The following ERC2 variants were observed in gnomAD, a reference collection of about 807,000 sequenced individuals.
ERC2 encodes the protein ELKS/RAB6-interacting/CAST family member 2.
Under a neutral mutation model 114.8 loss-of-function variants are expected in ERC2, and 42 were observed. The observed-to-expected ratio is 0.37, with a 90% CI of 0.29 to 0.47. The LOEUF (loss-of-function observed/expected upper bound fraction) is 0.47, where lower values mean the gene tolerates loss of function less well. Among genes scored for constraint, ERC2 ranks in the 20% least tolerant of loss-of-function variants. The pLI is 0.99. For synonymous variants in ERC2, 454 were observed against 425.5 expected, an observed-to-expected ratio of 1.07 and a Z score of -0.82; for missense variants, 939 against 1,150.7, an observed-to-expected ratio of 0.82 and a Z score of 2.66.
intron 17 of ERC2, among the ~76,000 whole-genome samples, chr3:55,651,536 AACTGGGTCTT>A (rs2060622102): frequency 6.6e-6 from 1 of 152,140 alleles, no homozygotes; most frequent in Non-Finnish European, 1.5e-5. Flanking sequence ...GGGGATCTTG[AACTGGGTCTT>A]TCGCTTCTCT....
intron 3 of ERC2, among the ~76,000 whole-genome samples, chr3:56,208,508 T>C (rs2048871312): frequency 6.6e-6 from 1 of 152,230 alleles, no homozygotes; most frequent in African/African-American, 2.4e-5. Flanking sequence ...TTGCCCTATC[T>C]TATTAATTTA....
chr3:56,412,982 T>C (rs940900373), intron 2 of ERC2, among the ~76,000 whole-genome samples: 12 of 152,126 alleles, frequency 7.9e-5, no homozygotes, highest in African/African-American at 2.2e-4. Context: ...TATGTGGGGG[T>C]TGGACATCAA....
chr3:55,736,392 C>CTTTCTATGCTTT (rs1245001321), intron 14 of ERC2, among the ~76,000 whole-genome samples: 3 of 152,176 alleles, frequency 2.0e-5, no homozygotes, highest in Non-Finnish European at 4.4e-5. Context: ...CAGGCTTTGC[C>CTTTCTATGCTTT]TTTCTATGCT....
At chr3:55,560,714 G>A (rs1174294598) in intron 17 of ERC2, among the ~76,000 whole-genome samples, 2 of 152,200 alleles carry the variant, frequency 1.3e-5, no homozygotes, top group African/African-American at 4.8e-5. Context: ...TAAGAAAATG[G>A]TTGTTTAAGC....
At chr3:55,834,095 C>T (rs1241936105) in intron 14 of ERC2, among the ~76,000 whole-genome samples, 10 of 151,792 alleles carry the variant, frequency 6.6e-5, no homozygotes, top group Admixed American at 5.9e-4. Context: ...TACAGGAGCA[C>T]CCAGATTCAT....
intron 6 of ERC2, among the ~76,000 whole-genome samples, chr3:56,115,757 C>T (rs1407791320): frequency 2.0e-5 from 3 of 151,966 alleles, no homozygotes. Context: ...AGAGACTGCC[C>T]CTCCCAGAGC....
chr3:55,744,669 G>C (rs906334560), intron 14 of ERC2, among the ~76,000 whole-genome samples: 3 of 152,216 alleles, frequency 2.0e-5, no homozygotes, highest in Non-Finnish European at 4.4e-5. Flanking sequence ...AGAAGATTCT[G>C]TATCCAGGCC....
intron 13 of ERC2, among the ~76,000 whole-genome samples, chr3:55,932,386 G>C (rs1000816822): frequency 3.9e-5 from 6 of 152,038 alleles, no homozygotes; most frequent in African/African-American, 1.4e-4. Context: ...AGTATTTAAT[G>C]CACTTCATCA....
rs1453788641 is a variant in ERC2 at position 56,434,241 on chromosome 3, T to C, written c.657+110A>G. 100 of 953,264 alleles carry C rather than the reference T, an allele frequency of 1.0e-4. No individual in the cohort carries two copies. In the East Asian group the frequency reaches 2.5e-3, roughly 24 times the overall value. The allele number at this position is 953,264 out of a possible 1,614,324, so 59.1% of individuals were successfully genotyped here. On this transcript the variant is annotated intron_variant, in intron 2 of 17. Coordinates refer to ENST00000288221, the MANE Select transcript of ERC2 (RefSeq NM_015576.3). ...TCAAACACATACTAAGCCATAACCT[T>C]CTTGATGATGCCAAACTTTCTTCTG...
At chr3:56,179,196 C>T (rs574589823) in intron 3 of ERC2, among the ~76,000 whole-genome samples, 17 of 152,066 alleles carry the variant, frequency 1.1e-4, no homozygotes, top group Admixed American at 6.5e-4. Context: ...CTAACGGAAA[C>T]GAGGGAACAA....
intron 7 of ERC2, among the ~76,000 whole-genome samples, chr3:56,055,372 G>C (rs2075968656): frequency 1.3e-5 from 2 of 152,316 alleles, no homozygotes; most frequent in East Asian, 1.9e-4. Context: ...AATGAAGCAA[G>C]TCATTTTCCT....
chr3:56,220,245 C>T (rs1377673395), intron 3 of ERC2, among the ~76,000 whole-genome samples: 3 of 152,166 alleles, frequency 2.0e-5, no homozygotes, highest in Non-Finnish European at 4.4e-5. Context: ...ACACTATCCT[C>T]AGGTTCTGTT....
At chr3:55,586,681 C>T (rs560375740) in intron 17 of ERC2, among the ~76,000 whole-genome samples, 178 of 152,234 alleles carry the variant, frequency 1.2e-3, no homozygotes, top group Non-Finnish European at 2.1e-3. Context: ...CTCCTCTTAC[C>T]GTAGGAAAGA....
chr3:56,424,885 G>A (rs973039307), intron 2 of ERC2, among the ~76,000 whole-genome samples: 1 of 152,176 alleles, frequency 6.6e-6, no homozygotes, highest in Non-Finnish European at 1.5e-5. Flanking sequence ...GTGTGTTTAT[G>A]TAACATTGGG....
chr3:56,289,087 G>T (rs1388936105), intron 3 of ERC2, among the ~76,000 whole-genome samples: 2 of 150,786 alleles, frequency 1.3e-5, no homozygotes, highest in Non-Finnish European at 3.0e-5. Context: ...TCTCAACCTT[G>T]GCTGCACGGC....
rs369579221 is a variant in ERC2 at position 55,703,262 on chromosome 3, C to T, written c.2713-3750G>A. On this transcript the variant is annotated intron_variant, in intron 15 of 17. Coordinates refer to ENST00000288221, the MANE Select transcript of ERC2 (RefSeq NM_015576.3). ...AGCCTGGGTCTTTGACATGCTTAGG[C>T]ATCTCTTGCTAGGTGACTGCTAGTT... 4.9e-4 allele frequency among the ~76,000 whole-genome samples: 74 copies of T among 152,326 alleles called. 2 individuals are homozygous for T. In the South Asian group the frequency reaches 0.013, roughly 28 times the overall value.
intron 3 of ERC2, among the ~76,000 whole-genome samples, chr3:56,248,754 A>C (rs2150225939): frequency 6.6e-6 from 1 of 152,314 alleles, no homozygotes; most frequent in Non-Finnish European, 1.5e-5. Context: ...CCCCTAAAAT[A>C]ATTTATAATG....
intron 13 of ERC2, among the ~76,000 whole-genome samples, chr3:55,921,008 G>A (rs879574659): frequency 4.6e-5 from 7 of 152,004 alleles, no homozygotes; most frequent in South Asian, 2.1e-4. Flanking sequence ...ATAACCACTC[G>A]GTTCTGGTGG....
intron 3 of ERC2, among the ~76,000 whole-genome samples, chr3:56,223,518 C>CAAAAAAAAAAAAAAAA (rs60141863): frequency 1.6e-5 from 2 of 123,012 alleles, no homozygotes; most frequent in Non-Finnish European, 1.7e-5. Flanking sequence ...AGAAAAATGG[C>CAAAAAAAAAAAAAAAA]AAAAAAAAAA....
Sources: allele counts gnomAD v4.1 joint callset (sites outside exome capture counted in the v4.1 genomes callset), GRCh38; gene constraint gnomAD v4.1.1; transcripts MANE v1.5; gene names NCBI Gene and HGNC (gene_info 2026-07-23, HGNC 2026-07-21).